The following EXOC6 variants were observed in gnomAD, a reference collection of about 807,000 sequenced individuals.
EXOC6 encodes the protein exocyst complex component 6.
A neutral mutation model predicts 112.5 loss-of-function variants in EXOC6; 60 were observed. That is an observed-to-expected ratio of 0.53 (90% CI 0.43 to 0.66). EXOC6 has a LOEUF of 0.66. EXOC6 is among the 30% of genes least tolerant of loss of function. EXOC6 has a pLI of 0.00. For missense variants in EXOC6, 855 were observed against 957.1 expected, an observed-to-expected ratio of 0.89 and a Z score of 1.41; for synonymous variants, 295 against 308.0, an observed-to-expected ratio of 0.96 and a Z score of 0.44.
intron 6 of EXOC6, among the ~76,000 whole-genome samples, chr10:92,914,909 T>G (rs1850997356): frequency 6.6e-6 from 1 of 152,216 alleles, no homozygotes; most frequent in Admixed American, 6.5e-5. Context: ...AAGTTTATAT[T>G]TTTTTCTATT....
rs763497393 is a variant in EXOC6, at chr10:92,948,389, A to G, written c.1416+10A>G. ...TCCAGACCTTGAAAAGGTACAAGCT[A>G]GTTTTTAATTCAAGGATTTTCTTAA... On this transcript the variant is annotated intron_variant, in intron 14 of 21. Transcript: ENST00000260762. 4 of 1,422,962 alleles carry G rather than the reference A, an allele frequency of 2.8e-6. No individual in the cohort carries two copies. Among genetic ancestry groups the G allele is most frequent in the Non-Finnish European group, 3.9e-6 (4 of 1,038,778 alleles). The allele number at this position is 1,422,962 out of a possible 1,614,324, so 88.1% of individuals were successfully genotyped here.
chr10:93,058,122 A>G (rs558127388), intron 21 of EXOC6, 101 bp from the exon 22 acceptor site: 1 of 1,021,786 alleles, frequency 9.8e-7, no homozygotes, highest in Non-Finnish European at 1.4e-6. Flanking sequence ...CAAGCATAGG[A>G]TTAGTGTGGG....
chr10:92,832,224 A>G (rs750014140), upstream of EXOC6, among the ~76,000 whole-genome samples: 1 of 152,172 alleles, frequency 6.6e-6, no homozygotes, highest in Non-Finnish European at 1.5e-5. Context: ...TTTCACAATC[A>G]TTCATTCATT....
chr10:92,842,491 C>G (rs2133592977), intron 1 of EXOC6, among the ~76,000 whole-genome samples: 1 of 150,858 alleles, frequency 6.6e-6, no homozygotes, highest in East Asian at 2.0e-4. Flanking sequence ...AGCTACATTT[C>G]AAATCCTATT....
intron 12 of EXOC6, among the ~76,000 whole-genome samples, chr10:92,939,422 T>C (rs1852533443): frequency 6.6e-6 from 1 of 151,940 alleles, no homozygotes; most frequent in Non-Finnish European, 1.5e-5. Context: ...TGTGTGTATG[T>C]GTGTGTGGCA....
At chr10:92,889,738 T>C (rs1213820168) in intron 1 of EXOC6, among the ~76,000 whole-genome samples, 1 of 152,022 alleles carries the variant, frequency 6.6e-6, no homozygotes, top group Non-Finnish European at 1.5e-5. Context: ...TCCAATTCTG[T>C]TCTTTTTTTT....
At chr10:92,918,848 GTA>G (rs1253340184) in intron 7 of EXOC6, among the ~76,000 whole-genome samples, 1 of 152,124 alleles carries the variant, frequency 6.6e-6, no homozygotes, top group Non-Finnish European at 1.5e-5. Flanking sequence ...GTGTATGTGT[GTA>G]TATATGTGTA....
chr10:92,937,260 G>A (rs1430172742), intron 12 of EXOC6, among the ~76,000 whole-genome samples: 1 of 152,052 alleles, frequency 6.6e-6, no homozygotes, highest in Non-Finnish European at 1.5e-5. Flanking sequence ...AAAGTGTCCC[G>A]TGGTCCAAAA....
At chr10:92,893,906 A>G (rs190901148) in intron 2 of EXOC6, among the ~76,000 whole-genome samples, 13 of 152,342 alleles carry the variant, frequency 8.5e-5, no homozygotes, top group African/African-American at 2.9e-4. Flanking sequence ...AGCATTATTT[A>G]ATAATGTTAA....
intron 18 of EXOC6, among the ~76,000 whole-genome samples, chr10:92,986,772 T>C (rs1298740975): frequency 6.6e-6 from 1 of 151,334 alleles, no homozygotes; most frequent in East Asian, 2.0e-4. Flanking sequence ...AAATAGTACT[T>C]TAAGGATAGT....
intron 20 of EXOC6, among the ~76,000 whole-genome samples, chr10:93,029,861 C>T (rs2134286658): frequency 6.6e-6 from 1 of 151,150 alleles, no homozygotes; most frequent in South Asian, 2.1e-4. Context: ...TTCAATTGAC[C>T]TAGCATCATT....
At chr10:92,828,715 TGTGTGTGTGTGTGTA>T (rs1428387880) in intron 1 of EXOC6, among the ~76,000 whole-genome samples, 2 of 70,512 alleles carry the variant, frequency 2.8e-5, no homozygotes, top group Admixed American at 1.6e-4. Flanking sequence ...TGTGTGTGTG[TGTGTGTGTGTGTGTA>T]TTTTTTTTTT....
chr10:92,912,036 A>G (rs1421820768), intron 6 of EXOC6, among the ~76,000 whole-genome samples: 1 of 150,394 alleles, frequency 6.6e-6, no homozygotes, highest in Non-Finnish European at 1.5e-5. Context: ...TGGCAGAGTC[A>G]CAGTTTAGTT....
intron 4 of EXOC6, among the ~76,000 whole-genome samples, chr10:92,898,078 T>A (rs747368502): frequency 2.0e-5 from 3 of 152,086 alleles, no homozygotes; most frequent in Non-Finnish European, 4.4e-5. Flanking sequence ...TCAGTTGCAG[T>A]GCAGTTGCCT....
upstream of EXOC6, chr10:92,834,703 A>C: frequency 1.9e-6 from 3 of 1,544,716 alleles, no homozygotes; most frequent in Non-Finnish European, 2.7e-6. Flanking sequence ...TCAATATCTG[A>C]CATCTGCAGC....
chr10:92,943,064 T>C (rs568084277), intron 13 of EXOC6, among the ~76,000 whole-genome samples: 1 of 151,722 alleles, frequency 6.6e-6, no homozygotes, highest in Admixed American at 6.6e-5. Context: ...CACTGTCACC[T>C]GTGCTGGAGT....
chr10:92,974,895 T>C (rs1158738098), intron 18 of EXOC6, among the ~76,000 whole-genome samples: 5 of 152,206 alleles, frequency 3.3e-5, no homozygotes, highest in Non-Finnish European at 7.3e-5. Flanking sequence ...TGGAGTGCAG[T>C]GGCGTGCTCT....
intron 6 of EXOC6, among the ~76,000 whole-genome samples, chr10:92,913,688 C>T (rs1850926938): frequency 1.3e-5 from 2 of 152,216 alleles, no homozygotes; most frequent in Admixed American, 1.3e-4. Flanking sequence ...ACTTCATCCT[C>T]AGTGTGTATA....
chr10:93,052,313 G>T (rs924920251), intron 20 of EXOC6, among the ~76,000 whole-genome samples: 6 of 152,240 alleles, frequency 3.9e-5, no homozygotes, highest in African/African-American at 1.4e-4. Context: ...GATCGAGAAT[G>T]AGTCTGTAGG....
Sources: allele counts gnomAD v4.1 joint callset (sites outside exome capture counted in the v4.1 genomes callset), GRCh38; gene constraint gnomAD v4.1.1; transcripts MANE v1.5; gene names NCBI Gene and HGNC (gene_info 2026-07-23, HGNC 2026-07-21).